Variants in SLC27A3 observed in about 807,000 individuals in gnomAD.
SLC27A3 encodes long-chain fatty acid transport protein 3.
Under a neutral mutation model 60.1 loss-of-function variants are expected in SLC27A3, and 60 were observed. That is an observed-to-expected ratio of 1.00 (90% CI 0.81 to 1.24). SLC27A3 has a LOEUF of 1.24. Ranked by LOEUF, SLC27A3 falls within the 50% of genes most tolerant of loss-of-function variation. SLC27A3 has a pLI of 0.00. For missense variants in SLC27A3, 1,079 were observed against 929.9 expected, an observed-to-expected ratio of 1.16 and a Z score of -2.09; for synonymous variants, 455 against 409.0, an observed-to-expected ratio of 1.11 and a Z score of -1.36.
At chr1:153,779,276 C>T in intron 8 of SLC27A3, 65 bp downstream of exon 8, 1 of 1,613,816 alleles carries the variant, frequency 6.2e-7, no homozygotes, top group Non-Finnish European at 8.5e-7. Flanking sequence ...TACTTGGGCG[C>T]AGGGAGCACG....
In SLC27A3 at chr1:153,779,869, G is replaced by A. The variant is rs191183550; in HGVS notation, c.1919G>A (p.Arg640Gln). Residue 640 changes from arginine (R) to glutamine (Q), a missense_variant, in exon 10 of 10, where the codon CGG becomes CAG. Arg to Gln is a conservative substitution (Grantham distance 43, BLOSUM62 1). Coordinates refer to ENST00000624995, the MANE Select transcript of SLC27A3 (RefSeq NM_024330.4). The part of the protein sequence containing the change: ...TTETFKQQKV[R>Q]MANEGFDPST... ...GAGACCTTCAAACAGCAGAAAGTTC[G>A]GATGGCAAATGAGGGCTTCGACCCC... 235 of 1,614,002 alleles carry A rather than the reference G, an allele frequency of 1.5e-4. 1 individual carries two copies. The highest frequency in any genetic ancestry group is 3.0e-4 in the South Asian group (27 of 91,072).
chr1:153,775,548 G>A lies in SLC27A3; in HGVS notation c.51G>A (p.Leu17=). The part of the protein sequence containing the change: ...LPLLLLLPLL[L]LKLHLWPQLR... ...TGCTGCTGTTGCTACCGCTGCTGCTGCTGAAGCTACACCTCTGGCCGCAGT... is the reference window on the plus strand; with the variant it reads ...TGCTGCTGTTGCTACCGCTGCTGCTACTGAAGCTACACCTCTGGCCGCAGT... The change falls in exon 1 of 10, where the codon CTG becomes CTA. Residue 17 remains leucine, a synonymous_variant. Transcript: ENST00000624995. The A allele has an allele frequency of 1.2e-6, 2 of 1,612,200 alleles. No homozygotes were observed. The highest frequency in any genetic ancestry group is 2.2e-5 in the East Asian group (1 of 44,884).
rs566940167 is a variant in SLC27A3, at chr1:153,779,294, C to T, written c.1745-49C>T. 6.8e-5 allele frequency: 110 copies of T among 1,613,630 alleles called. 1 individual carries two copies. In the South Asian group the frequency reaches 6.9e-4, roughly 10 times the overall value. ...TTGGGCGCAGGGAGCACGAGGCCTT[C>T]GTGGTGGTCAGCCATGGAGGGGCTT... On this transcript the variant is annotated intron_variant, in intron 8 of 9. Transcript: ENST00000624995.
intron 5 of SLC27A3, 32 bp from the exon 6 acceptor site, chr1:153,778,431 A>G (rs764434105): frequency 2.5e-6 from 4 of 1,613,144 alleles, no homozygotes; most frequent in South Asian, 1.1e-5. Flanking sequence ...TGTGACTGCA[A>G]TGATCCAGTA....
Position 153,776,007 on chromosome 1 carries a change from G to T in SLC27A3, c.510G>T (p.Val170=). The part of the protein sequence containing the change: ...AAAPLSPGAT[V]ALLLPAGPEF... Reference sequence around the variant, plus strand: ...CCCCTCTGTCACCTGGAGCAACTGTGGCGCTGCTCCTCCCCGCTGGCCCAG... The same window carrying T: ...CCCCTCTGTCACCTGGAGCAACTGTTGCGCTGCTCCTCCCCGCTGGCCCAG... The change falls in exon 1 of 10, where the codon GTG becomes GTT. Residue 170 remains valine, a synonymous_variant. Transcript: ENST00000624995. 1 of 1,451,504 alleles carries T rather than the reference G, an allele frequency of 6.9e-7. No homozygotes were observed. The allele number at this position is 1,451,504 out of a possible 1,614,324, so 89.9% of individuals were successfully genotyped here.
In SLC27A3 at chr1:153,778,769, G is replaced by A; in HGVS notation, c.1530G>A (p.Gly510=). The A allele has an allele frequency of 6.2e-7, 1 of 1,614,108 alleles. No homozygotes were observed. Among genetic ancestry groups the A allele is most frequent in the Non-Finnish European group, 8.5e-7 (1 of 1,180,026 alleles). ...CTGGCGGGCCAGAGCTGGCCCAGGG[G>A]AAGTTGCTAAAGGATGTCTTCCGGC... The part of the protein sequence containing the change: ...GYAGGPELAQ[G]KLLKDVFRPG... The change falls in exon 7 of 10, where the codon GGG becomes GGA. Residue 510 remains glycine, a synonymous_variant. Coordinates refer to ENST00000624995, the MANE Select transcript of SLC27A3 (RefSeq NM_024330.4).
At position 153,778,844 on chromosome 1, in the gene SLC27A3, A is replaced by G. The variant is rs753202126; in HGVS notation, c.1605A>G (p.Gln535=). 6 of 1,614,062 alleles carry G rather than the reference A, an allele frequency of 3.7e-6. No individual in the cohort carries two copies. Among genetic ancestry groups the G allele is most frequent in the Admixed American group, 3.3e-5 (2 of 60,012 alleles). Residue 535 remains glutamine, a synonymous_variant, in exon 7 of 10, where the codon CAA becomes CAG. Coordinates refer to ENST00000624995, the MANE Select transcript of SLC27A3 (RefSeq NM_024330.4). ...NTGDLLVCDD[Q]GFLRFHDRTG... ...GGGACCTGCTGGTCTGCGATGACCA[A>G]GGTTTTCTCCGCTTCCATGATCGTA...
At chr1:153,779,684 T>C (rs1673439713) in intron 9 of SLC27A3, 142 bp from the exon 10 acceptor site, 1 of 915,212 alleles carries the variant, frequency 1.1e-6, no homozygotes, top group Middle Eastern at 2.3e-4. Context: ...TGGCTCTTTC[T>C]CCTCCCTGTC....
In SLC27A3 at chr1:153,779,340, C is replaced by G; in HGVS notation, c.1745-3C>G. On this transcript the variant is annotated splice_region_variant and splice_polypyrimidine_tract_variant and intron_variant, in intron 8 of 9. Coordinates refer to ENST00000624995, the MANE Select transcript of SLC27A3 (RefSeq NM_024330.4). ...GGCTTACTCTGTCTCCCACACCCAC[C>G]AGGGCATGAAGGCAGGGCTGGAATG... is the stretch of plus-strand genomic sequence containing the variant. The G allele has an allele frequency of 6.2e-7, 1 of 1,613,950 alleles. No individual in the cohort carries two copies. The highest frequency in any genetic ancestry group is 8.5e-7 in the Non-Finnish European group (1 of 1,179,912).
At position 153,775,783 on chromosome 1, in the gene SLC27A3, G is replaced by A. The variant is rs762565606; in HGVS notation, c.286G>A (p.Ala96Thr). Residue 96 changes from alanine (A) to threonine (T), a missense_variant, in exon 1 of 10, where the codon GCG (alanine) becomes ACG (threonine). Physicochemically the swap from Ala to Thr is moderately conservative, Grantham distance 58. Transcript: ENST00000624995. The stretch of plus-strand genomic sequence containing the variant: ...CTCGCGGCGCTTTAGCTACTCAGAG[G>A]CGGAGCGCGAGAGTAACAGGGCTGC... ...HGSRRFSYSE[A>T]ERESNRAARA... The A allele has an allele frequency of 5.3e-6, 8 of 1,506,270 alleles. No individual in the cohort carries two copies. Among genetic ancestry groups the A allele is most frequent in the Admixed American group, 4.6e-5 (2 of 43,286 alleles). The allele number at this position is 1,506,270 out of a possible 1,614,324, so 93.3% of individuals were successfully genotyped here.
intron 3 of SLC27A3, 59 bp from the exon 4 acceptor site, chr1:153,777,702 G>A (rs536143470): frequency 3.1e-5 from 49 of 1,599,360 alleles, no homozygotes; most frequent in Non-Finnish European, 3.7e-5. Context: ...GAGGGGCTTG[G>A]GCTCCCCACT....
At chr1:153,776,238 CT>C (rs1000047626) in intron 1 of SLC27A3, 74 bp downstream of exon 1, 1 of 1,412,532 alleles carries the variant, frequency 7.1e-7, no homozygotes, top group Non-Finnish European at 9.2e-7. Context: ...CACAGAAAGG[CT>C]TGGTCTCATC....
In SLC27A3 at chr1:153,776,527, A is replaced by G; in HGVS notation, c.677A>G (p.Glu226Gly). Residue 226 changes from glutamate (E) to glycine (G), a missense_variant, in exon 2 of 10, where the codon GAG (glutamate) becomes GGG (glycine). Transcript: ENST00000624995. ...TTTCCCACCCTTCTAGAGTTTCTGG[A>G]GTCCCTGGAGCCGGACCTGCCCGCC... is the stretch of plus-strand genomic sequence containing the variant. ...RALVLAPEFL[E>G]SLEPDLPALR... The G allele has an allele frequency of 6.2e-7, 1 of 1,613,648 alleles. No individual in the cohort carries two copies. Among genetic ancestry groups the G allele is most frequent in the Non-Finnish European group, 8.5e-7 (1 of 1,179,924 alleles).
chr1:153,777,781 TC>T lies in SLC27A3; in HGVS notation c.1059del (p.Lys354SerfsTer16), dbSNP rs746960985. On this transcript the variant is annotated frameshift_variant, in exon 4 of 10. Coordinates refer to ENST00000624995, the MANE Select transcript of SLC27A3 (RefSeq NM_024330.4). LOFTEE classifies it high-confidence loss of function. ...GGCAGGGGCCACAGTGGTGCTGAAA[TC>T]CAAGTTCTCGGCTGGTCAGTTCTGG... ...MGIGATVVLK[S>X]KFSAGQFWED... 7 of 1,614,046 alleles carry T rather than the reference TC, an allele frequency of 4.3e-6. No homozygotes were observed. In the East Asian group the frequency reaches 6.7e-5, roughly 15 times the overall value.
Position 153,775,546 on chromosome 1 carries a change from C to T in SLC27A3, c.49C>T (p.Leu17=), listed in dbSNP as rs1274756950. Reference sequence around the variant, plus strand: ...CCTGCTGCTGTTGCTACCGCTGCTGCTGCTGAAGCTACACCTCTGGCCGCA... The same window carrying T: ...CCTGCTGCTGTTGCTACCGCTGCTGTTGCTGAAGCTACACCTCTGGCCGCA... ...LPLLLLLPLL[L]LKLHLWPQLR... is the part of the protein sequence containing the mutation. Residue 17 remains leucine, a synonymous_variant, in exon 1 of 10, where the codon CTG becomes TTG. Transcript: ENST00000624995. The T allele has an allele frequency of 1.2e-6, 2 of 1,612,256 alleles. No homozygotes were observed. Among genetic ancestry groups the T allele is most frequent in the Middle Eastern group, 3.3e-4 (2 of 6,052 alleles).
Position 153,776,706 on chromosome 1 carries a change from A to G in SLC27A3, c.856A>G (p.Ile286Val). ...GAGCATAACAGACACGTGCCTGTAC[A>G]TCTTCACCTCTGGCACCACGGGTGA... ...PQSITDTCLY[I>V]FTSGTTGLPK... The change falls in exon 2 of 10, where the codon ATC (isoleucine) becomes GTC (valine). Residue 286 changes from isoleucine to valine, a missense_variant. Physicochemically the swap from Ile to Val is conservative, Grantham distance 29. Coordinates refer to ENST00000624995, the MANE Select transcript of SLC27A3 (RefSeq NM_024330.4). The G allele has an allele frequency of 6.2e-7, 1 of 1,614,034 alleles. No individual in the cohort carries two copies. Among genetic ancestry groups the G allele is most frequent in the East Asian group, 2.2e-5 (1 of 44,880 alleles).
rs547501540 is a variant in SLC27A3 at position 153,778,711 on chromosome 1, C to T, written c.1472C>T (p.Pro491Leu). The stretch of plus-strand genomic sequence containing the variant: ...GGTGAGCCAGGGCTGCTGGTGGCCC[C>T]GGTAAGCCAGCAGTCCCCATTCCTG... ...SPGEPGLLVA[P>L]VSQQSPFLGY... Residue 491 changes from proline (P) to leucine (L), a missense_variant, in exon 7 of 10, where the codon CCG becomes CTG. Transcript: ENST00000624995. 51 of 1,613,036 alleles carry T rather than the reference C, an allele frequency of 3.2e-5. No homozygotes were observed. The highest frequency in any genetic ancestry group is 1.6e-4 in the East Asian group (7 of 44,876).
In SLC27A3 at chr1:153,779,822, C is replaced by T; in HGVS notation, c.1876-4C>T. The T allele has an allele frequency of 1.9e-6, 3 of 1,613,458 alleles. No individual in the cohort carries two copies. The highest frequency in any genetic ancestry group is 2.5e-6 in the Non-Finnish European group (3 of 1,179,610). On this transcript the variant is annotated splice_region_variant and splice_polypyrimidine_tract_variant and intron_variant, in intron 9 of 9. Transcript: ENST00000624995. The stretch of plus-strand genomic sequence containing the variant: ...CTCCAAATCCCTGACCCTCCTGTCC[C>T]CAGGAGTCTTTGGCCACCACAGAGA...
chr1:153,778,370 G>A lies in SLC27A3; in HGVS notation c.1356+15G>A. The A allele has an allele frequency of 6.2e-7, 1 of 1,613,828 alleles. No homozygotes were observed. Among genetic ancestry groups the A allele is most frequent in the Non-Finnish European group, 8.5e-7 (1 of 1,179,784 alleles). ...GGCTTTACAAGGTGAGGGGCAGAGAGGAAACTGAAAACCCGTGGAACAGCA... is the reference window on the plus strand; with the variant it reads ...GGCTTTACAAGGTGAGGGGCAGAGAAGAAACTGAAAACCCGTGGAACAGCA... On this transcript the variant is annotated intron_variant, in intron 5 of 9. Coordinates refer to ENST00000624995, the MANE Select transcript of SLC27A3 (RefSeq NM_024330.4).
Sources: allele counts gnomAD v4.1 joint callset, GRCh38; gene constraint gnomAD v4.1.1; transcripts MANE v1.5; gene names NCBI Gene and HGNC (gene_info 2026-07-23, HGNC 2026-07-21).